C8orf89: variants seen among roughly 807,000 people sequenced by gnomAD.
C8orf89 encodes chromosome 8 open reading frame 89, also known as putative uncharacterized protein C8orf89.
C8orf89 carries 14 observed loss-of-function variants against 15.8 expected under a neutral mutation model. The ratio of observed to expected loss-of-function variants is 0.89; its 90% confidence interval spans 0.59 to 1.39. The LOEUF is 1.39. Ranked by LOEUF, C8orf89 falls within the 40% of genes most tolerant of loss-of-function variation. The pLI is 0.00. For synonymous variants in C8orf89, 55 were observed against 62.2 expected (o/e 0.88, Z 0.54); for missense variants, 181 against 184.5 (o/e 0.98, Z 0.11).
chr8:73,243,814 G>C (rs1813062896), intron 3 of C8orf89, among the ~76,000 whole-genome samples: 1 of 152,144 alleles, frequency 6.6e-6, no homozygotes, highest in Non-Finnish European at 1.5e-5. Context: ...ACAGGCATGA[G>C]CCACCGCACT....
the C8orf89 span, among the ~76,000 whole-genome samples, chr8:73,268,996 A>G: frequency 2.1e-3 from 320 of 152,318 alleles, 2 homozygotes; most frequent in Middle Eastern, 0.031. Flanking sequence ...CAGAGTTTTG[A>G]TTATATCCTA....
chr8:73,282,176 CATAA>C, the C8orf89 span, among the ~76,000 whole-genome samples: 4 of 152,188 alleles, frequency 2.6e-5, no homozygotes, highest in Admixed American at 6.5e-5. Context: ...ACGATATACA[CATAA>C]ATGTGTCACG....
chr8:73,261,444 A>G (rs1314743152), upstream of C8orf89, among the ~76,000 whole-genome samples: 1 of 151,854 alleles, frequency 6.6e-6, no homozygotes, highest in Non-Finnish European at 1.5e-5. Context: ...AAAGAGGGAA[A>G]AGGAGGAACA....
chr8:73,285,323 C>T, the C8orf89 span, among the ~76,000 whole-genome samples: 1 of 152,194 alleles, frequency 6.6e-6, no homozygotes, highest in Admixed American at 6.5e-5. Flanking sequence ...ATATACAGAT[C>T]CGGCAGGCGG....
At chr8:73,248,436 T>C (rs1813174531) in intron 3 of C8orf89, among the ~76,000 whole-genome samples, 1 of 152,180 alleles carries the variant, frequency 6.6e-6, no homozygotes, top group Non-Finnish European at 1.5e-5. Context: ...CTTTTTTGGT[T>C]CCATATGAAT....
the C8orf89 span, among the ~76,000 whole-genome samples, chr8:73,284,576 C>CAA: frequency 1.3e-5 from 2 of 151,654 alleles, no homozygotes; most frequent in African/African-American, 2.4e-5. Context: ...CCATTATGAC[C>CAA]AAAAAACAAA....
At chr8:73,273,683 G>T in the C8orf89 span, among the ~76,000 whole-genome samples, 1 of 152,038 alleles carries the variant, frequency 6.6e-6, no homozygotes, top group Non-Finnish European at 1.5e-5. Context: ...GGCCCAGGCT[G>T]TCAGTTCCAC....
intron 2 of C8orf89, among the ~76,000 whole-genome samples, chr8:73,255,672 C>T (rs1423977021): frequency 4.0e-5 from 6 of 148,292 alleles, no homozygotes; most frequent in African/African-American, 1.3e-4. Context: ...ATGTTTATTG[C>T]GGCACTATTC....
At chr8:73,242,459 T>G (rs1813027657) in intron 3 of C8orf89, among the ~76,000 whole-genome samples, 1 of 152,076 alleles carries the variant, frequency 6.6e-6, no homozygotes, top group South Asian at 2.1e-4. Flanking sequence ...ACTCTCATGT[T>G]AATAAAAATT....
At chr8:73,274,551 AT>A in the C8orf89 span, among the ~76,000 whole-genome samples, 6 of 152,186 alleles carry the variant, frequency 3.9e-5, no homozygotes, top group Admixed American at 3.9e-4. Context: ...ATTATGCTAA[AT>A]ATATGCTAAT....
At position 73,257,163 on chromosome 8, in the gene C8orf89, G is replaced by A. The variant is rs769630581; in HGVS notation, c.128-37C>T. 1.3e-5 allele frequency: 18 copies of A among 1,355,862 alleles called. 1 individual carries two copies. The South Asian group carries it at 2.4e-4, about 18-fold the overall frequency. 84.0% of individuals were successfully genotyped at this position (1,355,862 alleles called of 1,614,324 possible). The stretch of plus-strand genomic sequence containing the variant: ...TATATAAGAATCATCTTGATTAAAT[G>A]CATACTACTTGTTTTACTGCATCCT... On this transcript the variant is annotated intron_variant, in intron 1 of 3. Transcript: ENST00000624510.
the C8orf89 span, among the ~76,000 whole-genome samples, chr8:73,281,993 T>A: frequency 6.6e-6 from 1 of 152,236 alleles, no homozygotes; most frequent in Non-Finnish European, 1.5e-5. Context: ...AGCCGTTTGC[T>A]GACCAGGGAC....
the C8orf89 span, among the ~76,000 whole-genome samples, chr8:73,279,616 A>G: frequency 6.6e-6 from 1 of 152,218 alleles, no homozygotes; most frequent in Non-Finnish European, 1.5e-5. Flanking sequence ...ATGCAGTCCC[A>G]CATGCTCTTC....
chr8:73,276,059 C>T, the C8orf89 span, among the ~76,000 whole-genome samples: 3 of 151,908 alleles, frequency 2.0e-5, no homozygotes, highest in South Asian at 2.1e-4. Context: ...TTTGTTCGCT[C>T]CCTTGTTTTA....
intron 1 of C8orf89, among the ~76,000 whole-genome samples, chr8:73,258,141 G>A (rs981967292): frequency 6.6e-6 from 1 of 152,110 alleles, no homozygotes; most frequent in African/African-American, 2.4e-5. Context: ...GCTGGGCGTG[G>A]TGGCTTACGC....
chr8:73,272,069 A>C, the C8orf89 span, among the ~76,000 whole-genome samples: 1 of 152,154 alleles, frequency 6.6e-6, no homozygotes, highest in Non-Finnish European at 1.5e-5. Context: ...AGAATCGACT[A>C]ATGGCTGGGG....
chr8:73,281,824 T>C, the C8orf89 span, among the ~76,000 whole-genome samples: 1 of 152,234 alleles, frequency 6.6e-6, no homozygotes, highest in Non-Finnish European at 1.5e-5. Flanking sequence ...GTGACTGGAA[T>C]GTGAGCCAAT....
At chr8:73,271,244 C>T in the C8orf89 span, among the ~76,000 whole-genome samples, 2 of 152,190 alleles carry the variant, frequency 1.3e-5, no homozygotes, top group African/African-American at 4.8e-5. Context: ...TGTTTCCTCC[C>T]CAAATCTCAT....
At chr8:73,246,255 G>A (rs1455661386) in intron 3 of C8orf89, among the ~76,000 whole-genome samples, 1 of 152,208 alleles carries the variant, frequency 6.6e-6, no homozygotes, top group Non-Finnish European at 1.5e-5. Context: ...AGAAACTAGT[G>A]TAGGCACTGT....
Sources: allele counts gnomAD v4.1 joint callset (sites outside exome capture counted in the v4.1 genomes callset), GRCh38; gene constraint gnomAD v4.1.1; transcripts MANE v1.5; gene names NCBI Gene and HGNC (gene_info 2026-07-23, HGNC 2026-07-21).